Variants in KIF2A observed in about 807,000 individuals in gnomAD.
The protein encoded by KIF2A is kinesin family member 2A, also known as kinesin-like protein KIF2A.
A neutral mutation model predicts 100.2 loss-of-function variants in KIF2A; 22 were observed. The ratio of observed to expected loss-of-function variants is 0.22; its 90% CI spans 0.16 to 0.31. The LOEUF (loss-of-function observed/expected upper bound fraction) is 0.31. KIF2A is among the 10% of genes least tolerant of loss of function. The probability of loss-of-function intolerance (pLI) is 1.00; values close to 1 mark genes in which losing one functional copy is unlikely to be tolerated. For synonymous variants in KIF2A, 268 were observed against 285.9 expected, an observed-to-expected ratio of 0.94 and a Z score of 0.63; for missense variants, 495 against 898.7, an observed-to-expected ratio of 0.55 and a Z score of 5.74.
At chr5:62,364,065 G>A (rs1375380958) in intron 14 of KIF2A, among the ~76,000 whole-genome samples, 166 bp downstream of exon 14, 1 of 151,784 alleles carries the variant, frequency 6.6e-6, no homozygotes, top group Admixed American at 6.6e-5. Flanking sequence ...TTTTTTCCTT[G>A]CACACATTCT....
In KIF2A at chr5:62,352,583, T is replaced by C; in HGVS notation, c.335-5T>C. Reference sequence around the variant, plus strand: ...GAATTTAAAATTTTTTTTTTTTACTTACAGTGGTTGGTTCAGCACGTGCAC... The same window carrying C: ...GAATTTAAAATTTTTTTTTTTTACTCACAGTGGTTGGTTCAGCACGTGCAC... On this transcript the variant is annotated splice_region_variant and splice_polypyrimidine_tract_variant and intron_variant, in intron 4 of 20. Transcript: ENST00000407818. The C allele has an allele frequency of 1.3e-6, 2 of 1,522,528 alleles. No homozygotes were observed. The highest frequency in any genetic ancestry group is 2.3e-5 in the Admixed American group (1 of 42,854). 94.3% of individuals were successfully genotyped at this position (1,522,528 alleles called of 1,614,324 possible). A position where few individuals can be genotyped will look rare whatever the true frequency, so the allele number is the denominator to read the frequency against.
intron 1 of KIF2A, among the ~76,000 whole-genome samples, chr5:62,339,572 G>A (rs926536120): frequency 7.8e-6 from 1 of 127,560 alleles, no homozygotes; most frequent in African/African-American, 2.8e-5. Flanking sequence ...TTGCACATTT[G>A]TACCAGTACA....
intron 1 of KIF2A, among the ~76,000 whole-genome samples, chr5:62,338,393 A>G (rs771697460): frequency 6.6e-6 from 1 of 152,132 alleles, no homozygotes; most frequent in Non-Finnish European, 1.5e-5. Flanking sequence ...GGCTCAAGCA[A>G]TTCTCCTGTC....
At position 62,306,248 on chromosome 5, in the gene KIF2A, C is replaced by G. The variant is rs897608545; in HGVS notation, c.-225C>G. On this transcript the variant is annotated 5_prime_UTR_variant, in exon 1 of 21. Coordinates refer to ENST00000407818, the MANE Select transcript of KIF2A (RefSeq NM_001098511.3). ...CTCACGGCCCCGGCCCTAGCTTCAC[C>G]CCGACTACCCGGCGTGCGCGTCCTC... is the stretch of plus-strand genomic sequence containing the variant. 3.8e-6 allele frequency: 2 copies of G among 524,482 alleles called. No homozygotes were observed. Among genetic ancestry groups the G allele is most frequent in the African/African-American group, 2.1e-5 (1 of 48,640 alleles). 32.5% of individuals were successfully genotyped at this position (524,482 alleles called of 1,614,324 possible).
Position 62,385,695 on chromosome 5 carries a change from G to A in KIF2A, c.*126G>A. ...GTGGAAAATGTTTTGTCCTTCACCT[G>A]AATTACATTTCAATTTTGTGAAACA... On this transcript the variant is annotated 3_prime_UTR_variant, in exon 21 of 21. Coordinates refer to ENST00000407818, the MANE Select transcript of KIF2A (RefSeq NM_001098511.3). The A allele has an allele frequency of 1.6e-6, 1 of 637,178 alleles. No individual in the cohort carries two copies. Among genetic ancestry groups the A allele is most frequent in the South Asian group, 2.2e-5 (1 of 45,814 alleles). The allele number at this position is 637,178 out of a possible 1,614,324, so 39.5% of individuals were successfully genotyped here.
intron 18 of KIF2A, among the ~76,000 whole-genome samples, chr5:62,377,255 ATCT>A (rs1474411039): frequency 6.6e-6 from 1 of 152,248 alleles, no homozygotes; most frequent in Non-Finnish European, 1.5e-5. Context: ...CTATCTTCAT[ATCT>A]TTTTTAACAA....
At chr5:62,315,747 A>T (rs1243803287) in intron 1 of KIF2A, among the ~76,000 whole-genome samples, 1 of 152,232 alleles carries the variant, frequency 6.6e-6, no homozygotes, top group East Asian at 1.9e-4. Context: ...CTACTATAGG[A>T]CTTAATCTCC....
rs1479108957 is a variant in KIF2A, at chr5:62,306,428, C to T, written c.-45C>T. 8 of 1,442,132 alleles carry T rather than the reference C, an allele frequency of 5.5e-6. No individual in the cohort carries two copies. The highest frequency in any genetic ancestry group is 7.6e-6 in the Non-Finnish European group (8 of 1,055,544). The allele number at this position is 1,442,132 out of a possible 1,614,324, so 89.3% of individuals were successfully genotyped here. Reference sequence around the variant, plus strand: ...GCCCCCTCCCCGCCTTTTCCGCCCTCCGGTCCCCCTCCCTCGGCCCGCTGC... The same window carrying T: ...GCCCCCTCCCCGCCTTTTCCGCCCTTCGGTCCCCCTCCCTCGGCCCGCTGC... On this transcript the variant is annotated 5_prime_UTR_variant, in exon 1 of 21. Coordinates refer to ENST00000407818, the MANE Select transcript of KIF2A (RefSeq NM_001098511.3).
chr5:62,365,387 T>G (rs1462206103), intron 15 of KIF2A, 34 bp downstream of exon 15: 1 of 1,122,268 alleles, frequency 8.9e-7, no homozygotes, highest in Non-Finnish European at 1.3e-6. Flanking sequence ...TTGTTTTATT[T>G]TAATCCTAAA....
chr5:62,376,430 G>GT (rs869102729), intron 18 of KIF2A, among the ~76,000 whole-genome samples: 1 of 142,906 alleles, frequency 7.0e-6, no homozygotes, highest in Admixed American at 7.0e-5. Context: ...TTGTTTGTTT[G>GT]TTTTTTTGAG....
chr5:62,371,907 T>TA (rs1345462980), intron 16 of KIF2A, among the ~76,000 whole-genome samples: 1 of 152,194 alleles, frequency 6.6e-6, no homozygotes, highest in Non-Finnish European at 1.5e-5. Flanking sequence ...CCACTGAAAA[T>TA]AGAGTGAATA....
chr5:62,306,494 A>C lies in KIF2A; in HGVS notation c.22A>C (p.Lys8Gln), dbSNP rs972154930. Residue 8 changes from lysine (K) to glutamine (Q), a missense_variant, in exon 1 of 21, where the codon AAG (lysine) becomes CAG (glutamine). Coordinates refer to ENST00000407818, the MANE Select transcript of KIF2A (RefSeq NM_001098511.3). ...GGTGATGGCAACGGCCAACTTCGGC[A>C]AGATCCAGATCGGGATTTACGTGGA... is the stretch of plus-strand genomic sequence containing the variant. MATANFGKIQIGIYVEIK... is the reference protein window; with the variant it reads MATANFGQIQIGIYVEIK... 8 of 1,541,434 alleles carry C rather than the reference A, an allele frequency of 5.2e-6. No homozygotes were observed. The highest frequency in any genetic ancestry group is 7.0e-6 in the Non-Finnish European group (8 of 1,142,250).
Position 62,390,852 on chromosome 5 carries a change from T to G in KIF2A, c.*5283T>G, listed in dbSNP as rs1355565475. The stretch of plus-strand genomic sequence containing the variant: ...TGTCACAGTAAAGAAATGTAAACAC[T>G]TAGGAAAACAAAAATGTAATTACCT... On this transcript the variant is annotated 3_prime_UTR_variant, in exon 21 of 21. Transcript: ENST00000407818. The G allele has an allele frequency of 1.3e-6, 2 of 1,593,970 alleles. No homozygotes were observed. The highest frequency in any genetic ancestry group is 2.2e-5 in the East Asian group (1 of 44,780).
At chr5:62,335,045 G>T (rs1746866820) in intron 1 of KIF2A, among the ~76,000 whole-genome samples, 1 of 152,214 alleles carries the variant, frequency 6.6e-6, no homozygotes, top group South Asian at 2.1e-4. Flanking sequence ...TTTTTAGAAG[G>T]TGAGGGACCA....
At chr5:62,360,694 A>G (rs2111951795) in intron 9 of KIF2A, among the ~76,000 whole-genome samples, 1 of 152,370 alleles carries the variant, frequency 6.6e-6, no homozygotes, top group Middle Eastern at 3.4e-3. Flanking sequence ...CTCAAAAAAA[A>G]AAAAATGTAA....
chr5:62,386,883 T>A lies in KIF2A; in HGVS notation c.*1314T>A, dbSNP rs903606174. On this transcript the variant is annotated 3_prime_UTR_variant, in exon 21 of 21. Coordinates refer to ENST00000407818, the MANE Select transcript of KIF2A (RefSeq NM_001098511.3). ...AATATTTTGTTCAAAGATTTGTATATCTCTCTAGGAGTTTTCCCTCAGTTC... is the reference window on the plus strand; with the variant it reads ...AATATTTTGTTCAAAGATTTGTATAACTCTCTAGGAGTTTTCCCTCAGTTC... Among the ~76,000 whole-genome samples, 1 of 152,234 alleles carries A rather than the reference T, an allele frequency of 6.6e-6. No individual in the cohort carries two copies. The highest frequency in any genetic ancestry group is 2.4e-5 in the African/African-American group (1 of 41,456).
At position 62,390,013 on chromosome 5, in the gene KIF2A, G is replaced by A. The variant is rs1742230890; in HGVS notation, c.*4444G>A. Reference sequence around the variant, plus strand: ...GATTAACATCTAAAATGACTCAGTAGTACTGCTAGCCAGCCAATAAAATAT... The same window carrying A: ...GATTAACATCTAAAATGACTCAGTAATACTGCTAGCCAGCCAATAAAATAT... On this transcript the variant is annotated 3_prime_UTR_variant, in exon 21 of 21. Transcript: ENST00000407818. Among the ~76,000 whole-genome samples, 1 of 152,160 alleles carries A rather than the reference G, an allele frequency of 6.6e-6. No homozygotes were observed. Among genetic ancestry groups the A allele is most frequent in the Admixed American group, 6.5e-5 (1 of 15,276 alleles).
intron 19 of KIF2A, among the ~76,000 whole-genome samples, chr5:62,379,844 A>G (rs1468586926): frequency 6.6e-6 from 1 of 152,232 alleles, no homozygotes; most frequent in African/African-American, 2.4e-5. Flanking sequence ...AAATCCACGT[A>G]TAAGAGCTTT....
intron 1 of KIF2A, among the ~76,000 whole-genome samples, chr5:62,332,779 G>T (rs1746718830): frequency 6.6e-6 from 1 of 152,164 alleles, no homozygotes; most frequent in Admixed American, 6.5e-5. Flanking sequence ...ATATCATCAT[G>T]TGTGATCAAT....
Sources: gnomAD v4.1 joint callset for allele counts (sites outside exome capture counted in the v4.1 genomes callset) on GRCh38, gnomAD v4.1.1 for gene constraint, MANE v1.5 for transcripts, NCBI Gene and HGNC (gene_info 2026-07-23, HGNC 2026-07-21) for gene names.